TENM3: variants seen among roughly 807,000 people sequenced by gnomAD.
TENM3 encodes the protein teneurin transmembrane protein 3, also known as teneurin-3.
In TENM3, 63 loss-of-function variants were observed where a neutral mutation model predicts 255.1. That is an observed-to-expected ratio of 0.25 (90% CI 0.20 to 0.30). The LOEUF is 0.30. Ranked by LOEUF, TENM3 falls within the 10% of genes least tolerant of loss-of-function variation. The pLI, the probability that TENM3 is intolerant of heterozygous loss-of-function variation, is 1.00. For missense variants in TENM3, 2,929 were observed against 3,461.1 expected (o/e 0.85, Z 3.86); for synonymous variants, 1,306 against 1,322.3 (o/e 0.99, Z 0.27).
At chr4:181,996,950 G>A in the TENM3 span, among the ~76,000 whole-genome samples, 1 of 152,212 alleles carries the variant, frequency 6.6e-6, no homozygotes, top group African/African-American at 2.4e-5. Flanking sequence ...ATGAATGACT[G>A]ATGGTCTTCC....
intron 3 of TENM3, among the ~76,000 whole-genome samples, chr4:182,445,225 C>A (rs796982922): frequency 2.4e-4 from 36 of 152,322 alleles, no homozygotes; most frequent in African/African-American, 8.2e-4. Flanking sequence ...CACTCTGTAA[C>A]TATGTGGGCA....
chr4:181,466,591 C>G, the TENM3 span, among the ~76,000 whole-genome samples: 1 of 152,132 alleles, frequency 6.6e-6, no homozygotes, highest in South Asian at 2.1e-4. Flanking sequence ...GAACACATCA[C>G]AGTCAGATTG....
chr4:182,167,732 C>T (rs944073786), intron 1 of TENM3, among the ~76,000 whole-genome samples: 1 of 151,944 alleles, frequency 6.6e-6, no homozygotes, highest in Admixed American at 6.6e-5. Context: ...AAACATTAGC[C>T]GGGTGCAGGG....
At chr4:182,236,703 A>G (rs17072904) in intron 1 of TENM3, among the ~76,000 whole-genome samples, 59,296 of 152,094 alleles carry the variant, frequency 0.39, 12,402 homozygotes, top group East Asian at 0.64. Flanking sequence ...CATAAGGTTC[A>G]GAAGAGTGTG....
At chr4:182,483,939 A>G (rs2151531679) in intron 3 of TENM3, among the ~76,000 whole-genome samples, 1 of 152,300 alleles carries the variant, frequency 6.6e-6, no homozygotes, top group Non-Finnish European at 1.5e-5. Context: ...CCCATGAGCC[A>G]GTCACCTCCC....
At chr4:182,355,786 A>G (rs980125761) in intron 3 of TENM3, among the ~76,000 whole-genome samples, 2 of 152,096 alleles carry the variant, frequency 1.3e-5, no homozygotes, top group Non-Finnish European at 2.9e-5. Context: ...GTGATGGTAT[A>G]ATCCAAGTTG....
chr4:182,457,611 G>A (rs6817507), intron 3 of TENM3, among the ~76,000 whole-genome samples: 112,180 of 146,784 alleles, frequency 0.76, 43,483 homozygotes, highest in East Asian at 0.95. Context: ...AGACTGGAGT[G>A]CATTGGCATG....
At chr4:181,515,874 T>C in the TENM3 span, among the ~76,000 whole-genome samples, 2 of 152,286 alleles carry the variant, frequency 1.3e-5, no homozygotes, top group African/African-American at 4.8e-5. Flanking sequence ...TAAATCATTC[T>C]ATTACAAAGA....
At chr4:182,282,371 T>C (rs185159806) in intron 1 of TENM3, among the ~76,000 whole-genome samples, 38 of 152,350 alleles carry the variant, frequency 2.5e-4, no homozygotes, top group African/African-American at 7.7e-4. Context: ...ATATGCTTTG[T>C]CATGTGCTGT....
chr4:182,664,209 C>T lies in TENM3; in HGVS notation c.1112-8796C>T, dbSNP rs1207960992. Among the ~76,000 whole-genome samples, 3 of 152,212 alleles carry T rather than the reference C, an allele frequency of 2.0e-5. No individual in the cohort carries two copies. In the East Asian group the frequency reaches 5.8e-4, roughly 29 times the overall value. On this transcript the variant is annotated intron_variant, in intron 6 of 27. Coordinates refer to ENST00000511685, the MANE Select transcript of TENM3 (RefSeq NM_001080477.4). ...CCATTTTTCCAACAGCATGTGCTCA[C>T]ATCATGTCTCTCTGTTGCATTTTGG...
chr4:181,501,231 T>C, the TENM3 span, among the ~76,000 whole-genome samples: 137,234 of 152,184 alleles, frequency 0.9, 61,957 homozygotes, highest in East Asian at 1. Context: ...GACCTCCAGC[T>C]GGATGACTTG....
the TENM3 span, among the ~76,000 whole-genome samples, chr4:181,921,827 A>G: frequency 6.6e-6 from 1 of 152,092 alleles, no homozygotes; most frequent in African/African-American, 2.4e-5. Flanking sequence ...TTCAAAGGGA[A>G]TGCTTCCAGT....
the TENM3 span, among the ~76,000 whole-genome samples, chr4:181,870,645 G>C: frequency 6.6e-6 from 1 of 152,046 alleles, no homozygotes; most frequent in African/African-American, 2.4e-5. Flanking sequence ...TGCTTTTAAA[G>C]TATCTTTTGG....
the TENM3 span, among the ~76,000 whole-genome samples, chr4:181,856,583 A>C: frequency 1.3e-5 from 2 of 152,290 alleles, no homozygotes; most frequent in South Asian, 4.2e-4. Flanking sequence ...CACTGGCAAT[A>C]GTGCCGAATT....
At chr4:182,435,502 A>G (rs1771977247) in intron 3 of TENM3, among the ~76,000 whole-genome samples, 1 of 152,166 alleles carries the variant, frequency 6.6e-6, no homozygotes, top group South Asian at 2.1e-4. Context: ...GATGCTTTTT[A>G]AGAGAGGGGC....
the TENM3 span, among the ~76,000 whole-genome samples, chr4:182,130,661 A>G: frequency 6.7e-6 from 1 of 150,084 alleles, no homozygotes; most frequent in Non-Finnish European, 1.5e-5. Context: ...GAAGAAAAGA[A>G]CCATTTATAA....
At chr4:181,521,577 G>A in the TENM3 span, among the ~76,000 whole-genome samples, 1 of 152,112 alleles carries the variant, frequency 6.6e-6, no homozygotes, top group Non-Finnish European at 1.5e-5. Flanking sequence ...GTAACTCAAG[G>A]ATAAAAGATT....
chr4:182,573,540 T>G (rs1203663269), intron 3 of TENM3, among the ~76,000 whole-genome samples: 2 of 152,076 alleles, frequency 1.3e-5, no homozygotes, highest in Non-Finnish European at 2.9e-5. Flanking sequence ...AGCAGGGGTA[T>G]TATTACAAGG....
At chr4:181,533,422 G>A in the TENM3 span, among the ~76,000 whole-genome samples, 4 of 152,056 alleles carry the variant, frequency 2.6e-5, no homozygotes, top group Admixed American at 1.3e-4. Context: ...AAGAAGAGGT[G>A]GACAGAAGGT....
Sources: gnomAD v4.1 joint callset for allele counts (sites outside exome capture counted in the v4.1 genomes callset) on GRCh38, gnomAD v4.1.1 for gene constraint, MANE v1.5 for transcripts, NCBI Gene and HGNC (gene_info 2026-07-23, HGNC 2026-07-21) for gene names.